B3GALNT2: variants seen among roughly 807,000 people sequenced by gnomAD.
The protein encoded by B3GALNT2 is UDP-GalNAc:beta-1,3-N-acetylgalactosaminyltransferase 2.
A neutral mutation model predicts 61.1 loss-of-function variants in B3GALNT2; 53 were observed. The observed-to-expected ratio is 0.87, with a 90% CI of 0.70 to 1.09. The LOEUF (loss-of-function observed/expected upper bound fraction) is 1.09. Ranked by LOEUF, B3GALNT2 falls within the 50% of genes least tolerant of loss-of-function variation. B3GALNT2 has a pLI of 0.00. For missense variants in B3GALNT2, 544 were observed against 623.0 expected, an observed-to-expected ratio of 0.87 and a Z score of 1.35; for synonymous variants, 223 against 237.4, an observed-to-expected ratio of 0.94 and a Z score of 0.56.
chr1:235,448,220 C>CAAAAAAAA lies in B3GALNT2; in HGVS notation c.*1978_*1985dup, dbSNP rs59405398. The CAAAAAAAA allele has an allele frequency of 7.5e-6, 4 of 531,006 alleles. No individual in the cohort carries two copies. Among genetic ancestry groups the CAAAAAAAA allele is most frequent in the African/African-American group, 6.2e-5 (2 of 32,154 alleles). 32.9% of individuals were successfully genotyped at this position (531,006 alleles called of 1,614,324 possible). A position where few individuals can be genotyped will look rare whatever the true frequency, so the allele number is the denominator to read the frequency against. ...CTTAAGTAAGTAAGTAAGTCAGTCT[C>CAAAAAAAA]AAAAAAAAAAAAAAAAAAAAGACAG... On this transcript the variant is annotated 3_prime_UTR_variant, in exon 12 of 12. Transcript: ENST00000366600.
At chr1:235,440,118 C>G in the B3GALNT2 span, among the ~76,000 whole-genome samples, 3 of 152,024 alleles carry the variant, frequency 2.0e-5, no homozygotes, top group Non-Finnish European at 1.5e-5. Context: ...CTACAGGCGC[C>G]CACCACCACA....
At chr1:235,486,309 A>G (rs1205924156) in intron 3 of B3GALNT2, among the ~76,000 whole-genome samples, 2 of 152,240 alleles carry the variant, frequency 1.3e-5, no homozygotes, top group Admixed American at 6.5e-5. Flanking sequence ...AGTCTAGACT[A>G]CAACATAATG....
chr1:235,496,340 G>A, intron 1 of B3GALNT2: 1 of 991,652 alleles, frequency 1.0e-6, no homozygotes. Flanking sequence ...CATTCCAAAT[G>A]GAATAGAGGT....
At chr1:235,445,503 G>A (rs149952406), downstream of B3GALNT2, among the ~76,000 whole-genome samples, 1,431 of 152,254 alleles carry the variant, frequency 9.4e-3, 57 homozygotes, top group East Asian at 0.11. Flanking sequence ...GGGTGTGGTG[G>A]TGCATGCCTG....
chr1:235,451,472 C>CAAAAAAAAAAAAAAAAAAAAAAAAA (rs11464279), intron 11 of B3GALNT2: 2 of 83,064 alleles, frequency 2.4e-5, no homozygotes, highest in Non-Finnish European at 2.3e-5. Context: ...GAGATGGTCA[C>CAAAAAAAAAAAAAAAAAAAAAAAAA]AAAAAAAAAA....
At chr1:235,446,187 T>G (rs1682263998), downstream of B3GALNT2, among the ~76,000 whole-genome samples, 1 of 152,060 alleles carries the variant, frequency 6.6e-6, no homozygotes, top group South Asian at 2.1e-4. Flanking sequence ...TACATCCTTT[T>G]TTTTTTGAGA....
downstream of B3GALNT2, among the ~76,000 whole-genome samples, chr1:235,445,353 G>T (rs189863063): frequency 1.3e-5 from 2 of 152,282 alleles, no homozygotes; most frequent in East Asian, 1.9e-4. Context: ...TAATAGCCAG[G>T]CATGGTGGCT....
intron 2 of B3GALNT2, among the ~76,000 whole-genome samples, chr1:235,490,432 T>C (rs1685009311): frequency 6.6e-6 from 1 of 152,162 alleles, no homozygotes; most frequent in Non-Finnish European, 1.5e-5. Flanking sequence ...GATTTCACCA[T>C]GTTGGCCAGG....
rs757111780 is a variant in B3GALNT2, at chr1:235,484,419, T to G, written c.458A>C (p.Tyr153Ser). The change falls in exon 4 of 12, where the codon TAC (tyrosine) becomes TCC (serine). Residue 153 changes from tyrosine (Y) to serine (S), a missense_variant. Transcript: ENST00000366600. The part of the protein sequence containing the change: ...RVVSVSFRVL[Y>S]PIVITSLGVF... The stretch of plus-strand genomic sequence containing the variant: ...TCCAAGACTGGTAATAACGATGGGG[T>G]AGAGAACTCGGAAACTCACGCTGAC... 4 of 1,614,026 alleles carry G rather than the reference T, an allele frequency of 2.5e-6. No homozygotes were observed. The highest frequency in any genetic ancestry group is 3.4e-6 in the Non-Finnish European group (4 of 1,180,032).
intron 7 of B3GALNT2, among the ~76,000 whole-genome samples, chr1:235,459,993 C>T (rs1683342134): frequency 6.6e-6 from 1 of 152,044 alleles, no homozygotes; most frequent in South Asian, 2.1e-4. Flanking sequence ...GGAGTTTCAC[C>T]ATGTTGGCCA....
intron 5 of B3GALNT2, among the ~76,000 whole-genome samples, chr1:235,477,123 G>A (rs1471940064): frequency 1.3e-5 from 2 of 151,958 alleles, no homozygotes; most frequent in Non-Finnish European, 2.9e-5. Flanking sequence ...CCCATCATTA[G>A]TACCCACTGC....
At chr1:235,450,963 T>C (rs1682861871) in intron 11 of B3GALNT2, 1 of 152,254 alleles carries the variant, frequency 6.6e-6, no homozygotes, top group African/African-American at 2.4e-5. Context: ...GAGAAACTCA[T>C]TCAATGTTTT....
intron 1 of B3GALNT2, among the ~76,000 whole-genome samples, chr1:235,500,809 G>C (rs1156994430): frequency 6.6e-6 from 1 of 152,134 alleles, no homozygotes; most frequent in Non-Finnish European, 1.5e-5. Context: ...TTCATTAATT[G>C]AATCTTCACA....
chr1:235,445,742 T>A (rs1682217308), downstream of B3GALNT2, among the ~76,000 whole-genome samples: 1 of 152,198 alleles, frequency 6.6e-6, no homozygotes, highest in Non-Finnish European at 1.5e-5. Flanking sequence ...TACCCTTTTT[T>A]AAAGTCATGT....
chr1:235,445,945 T>G, downstream of B3GALNT2, among the ~76,000 whole-genome samples: 1 of 152,196 alleles, frequency 6.6e-6, no homozygotes, highest in East Asian at 1.9e-4. Flanking sequence ...AGTCTAGAGC[T>G]GCGCTGTCCA....
In B3GALNT2 at chr1:235,465,909, C is replaced by G. The variant is rs41310583; in HGVS notation, c.763-195G>C. ...CTATTTTTGTTATCTAATTACAATACTAAAGATAAGATATACCCAACATTC... is the reference window on the plus strand; with the variant it reads ...CTATTTTTGTTATCTAATTACAATAGTAAAGATAAGATATACCCAACATTC... On this transcript the variant is annotated intron_variant, in intron 6 of 11. Transcript: ENST00000366600. 8.9e-3 allele frequency: 5,279 copies of G among 595,272 alleles called. 46 individuals are homozygous for G. The highest frequency in any genetic ancestry group is 0.014 in the Middle Eastern group (30 of 2,106). The allele number at this position is 595,272 out of a possible 1,614,324, so 36.9% of individuals were successfully genotyped here. A position where few individuals can be genotyped will look rare whatever the true frequency, so the allele number is the denominator to read the frequency against.
Position 235,448,248 on chromosome 1 carries a change from A to G in B3GALNT2, c.*1958T>C. ...AAAAAAAAAAAAAAAAAAGACAGAT[A>G]CAGCTATCATTGCAATGATACTGTG... On this transcript the variant is annotated 3_prime_UTR_variant, in exon 12 of 12. Coordinates refer to ENST00000366600, the MANE Select transcript of B3GALNT2 (RefSeq NM_152490.5). The G allele has an allele frequency of 1.1e-6, 1 of 879,910 alleles. No individual in the cohort carries two copies. The highest frequency in any genetic ancestry group is 2.1e-4 in the Middle Eastern group (1 of 4,674). The allele number at this position is 879,910 out of a possible 1,614,324, so 54.5% of individuals were successfully genotyped here.
At chr1:235,476,133 C>T (rs1240654771) in intron 5 of B3GALNT2, among the ~76,000 whole-genome samples, 1 of 152,224 alleles carries the variant, frequency 6.6e-6, no homozygotes, top group South Asian at 2.1e-4. Flanking sequence ...GGTGGCCAGG[C>T]GCAGTGGCTC....
chr1:235,455,703 T>C lies in B3GALNT2; in HGVS notation c.1026-19A>G, dbSNP rs1303642612. ...CACAGTCCTGTTGACACAAAAGGGA[T>C]AAGAAAGTCAGTGCGACCAAACAAA... On this transcript the variant is annotated intron_variant, in intron 8 of 11. Transcript: ENST00000366600. The C allele has an allele frequency of 6.2e-7, 1 of 1,602,508 alleles. No homozygotes were observed. The highest frequency in any genetic ancestry group is 1.7e-5 in the Admixed American group (1 of 59,734).
Sources: gnomAD v4.1 joint callset for allele counts (sites outside exome capture counted in the v4.1 genomes callset) on GRCh38, gnomAD v4.1.1 for gene constraint, MANE v1.5 for transcripts, NCBI Gene and HGNC (gene_info 2026-07-23, HGNC 2026-07-21) for gene names.